The following BRDT variants were observed in gnomAD, a reference collection of about 807,000 sequenced individuals.
BRDT encodes the protein bromodomain testis associated, also known as bromodomain testis-specific protein.
A neutral mutation model predicts 113.9 loss-of-function variants in BRDT; 77 were observed. That is an observed-to-expected ratio of 0.68 (90% confidence interval 0.56 to 0.82). BRDT has a LOEUF of 0.82. Among genes scored for constraint, BRDT ranks in the 40% least tolerant of loss-of-function variants. BRDT has a pLI of 0.00. For synonymous variants in BRDT, 358 were observed against 366.5 expected (o/e 0.98, Z 0.26); for missense variants, 1,027 against 1,105.4 (o/e 0.93, Z 1.01).
intron 15 of BRDT, among the ~76,000 whole-genome samples, chr1:91,994,588 C>T (rs540372921): frequency 6.6e-6 from 1 of 152,004 alleles, no homozygotes; most frequent in Non-Finnish European, 1.5e-5. Flanking sequence ...AAGGGAGGGC[C>T]GGGCGCGGTG....
At chr1:91,998,962 A>C (rs1002843092) in intron 15 of BRDT, among the ~76,000 whole-genome samples, 4 of 152,180 alleles carry the variant, frequency 2.6e-5, no homozygotes, top group Non-Finnish European at 5.9e-5. Flanking sequence ...CTTTGGACTT[A>C]ATTATAATAG....
chr1:91,967,084 A>C (rs898247657), intron 3 of BRDT, among the ~76,000 whole-genome samples: 3 of 152,142 alleles, frequency 2.0e-5, no homozygotes, highest in Non-Finnish European at 4.4e-5. Context: ...ATGTTGGTAG[A>C]GTTGGCTTAG....
chr1:91,961,628 CAGAGAG>C (rs57800881), intron 1 of BRDT, among the ~76,000 whole-genome samples: 1 of 151,312 alleles, frequency 6.6e-6, no homozygotes, highest in Non-Finnish European at 1.5e-5. Flanking sequence ...GACTCCATCT[CAGAGAG>C]AGAGAGAGAC....
intron 2 of BRDT, 150 bp from the exon 3 acceptor site, chr1:91,964,477 G>A (rs1015134500): frequency 2.1e-5 from 10 of 466,468 alleles, no homozygotes; most frequent in African/African-American, 4.0e-5. Flanking sequence ...CTACAGGCGT[G>A]AGCCACTGTG....
At position 92,007,198 on chromosome 1, in the gene BRDT, CT is replaced by C. The variant is rs1186701016; in HGVS notation, c.2775+1908del. ...CTGTTCCTGTCTTTCTTCTCTCTCT[CT>C]TTTTTTTTCTGCCCGTTTTTGTATT... On this transcript the variant is annotated intron_variant, in intron 18 of 18. Coordinates refer to ENST00000399546, the MANE Select transcript of BRDT (RefSeq NM_207189.4). 4.0e-5 allele frequency among the ~76,000 whole-genome samples: 6 copies of C among 151,650 alleles called. No individual in the cohort carries two copies. The East Asian group carries it at 7.7e-4, about 20-fold the overall frequency.
chr1:91,997,876 T>C (rs1193925280), intron 15 of BRDT, among the ~76,000 whole-genome samples: 1 of 152,244 alleles, frequency 6.6e-6, no homozygotes, highest in Non-Finnish European at 1.5e-5. Flanking sequence ...ATTTTCTTTT[T>C]CTGGAGTTAA....
rs150925194 is a variant in BRDT, at chr1:91,968,963, T to A, written c.445+703T>A. Among the ~76,000 whole-genome samples, 202 of 151,322 alleles carry A rather than the reference T, an allele frequency of 1.3e-3. 2 individuals carry two copies. The East Asian group carries it at 0.038, about 28-fold the overall frequency. On this transcript the variant is annotated intron_variant, in intron 4 of 18. Coordinates refer to ENST00000399546, the MANE Select transcript of BRDT (RefSeq NM_207189.4). ...ATTTATTTATTTATTTGAGACGGAG[T>A]CTTCACTCTGTCGCCCAGGCTGGAG... is the stretch of plus-strand genomic sequence containing the variant.
In BRDT at chr1:92,000,390, A is replaced by C. The variant is rs540139687; in HGVS notation, c.2288-1659A>C. On this transcript the variant is annotated intron_variant, in intron 15 of 18. Transcript: ENST00000399546. ...CACTATTTTTTCCCTTTCCTTGTTG[A>C]AGTGAGGAAACATGGCTACATTGAG... Among the ~76,000 whole-genome samples, 2 of 152,324 alleles carry C rather than the reference A, an allele frequency of 1.3e-5. 1 individual carries two copies. The highest frequency in any genetic ancestry group is 4.1e-4 in the South Asian group (2 of 4,826).
In BRDT at chr1:92,005,234, C is replaced by T. The variant is rs140901995; in HGVS notation, c.2710C>T (p.Leu904Phe). The change falls in exon 18 of 19, where the codon CTC (leucine) becomes TTC (phenylalanine). Residue 904 changes from leucine (L) to phenylalanine (F), a missense_variant. Transcript: ENST00000399546. ...ATCAGAAGCTCAAGATAAATCCAAACTCTGGCTTCTCAAAGACCGTGATTT... is the reference window on the plus strand; with the variant it reads ...ATCAGAAGCTCAAGATAAATCCAAATTCTGGCTTCTCAAAGACCGTGATTT... ...QSSEAQDKSKLWLLKDRDLAR... is the reference protein window; with the variant it reads ...QSSEAQDKSKFWLLKDRDLAR... 7 of 1,593,578 alleles carry T rather than the reference C, an allele frequency of 4.4e-6. No homozygotes were observed. The African/African-American group carries it at 9.5e-5, about 22-fold the overall frequency.
At chr1:91,995,229 T>C (rs1248316102) in intron 15 of BRDT, among the ~76,000 whole-genome samples, 1 of 152,126 alleles carries the variant, frequency 6.6e-6, no homozygotes, top group African/African-American at 2.4e-5. Context: ...ATATTCCTTG[T>C]CTATTCTTCT....
chr1:91,964,878 CGTGTGTGT>C (rs59328937), intron 3 of BRDT, 114 bp downstream of exon 3: 34 of 344,232 alleles, frequency 9.9e-5, no homozygotes, highest in Non-Finnish European at 1.4e-4. Flanking sequence ...AGATACTTGA[CGTGTGTGT>C]GTGTGTGTGT....
chr1:91,964,910 A>ATTTTT (rs1302641462), intron 3 of BRDT, 146 bp downstream of exon 3: 4 of 234,844 alleles, frequency 1.7e-5, no homozygotes, highest in Non-Finnish European at 2.9e-5. Context: ...TGTGTATATA[A>ATTTTT]TTTTTTTTTT....
chr1:92,011,635 G>A (rs1485368310), intron 18 of BRDT, among the ~76,000 whole-genome samples: 2 of 152,134 alleles, frequency 1.3e-5, no homozygotes, highest in Admixed American at 6.6e-5. Context: ...CTGCACCCTA[G>A]TTGCGGCCCA....
intron 15 of BRDT, among the ~76,000 whole-genome samples, chr1:92,001,512 A>G (rs1174025754): frequency 6.6e-6 from 1 of 152,120 alleles, no homozygotes; most frequent in East Asian, 1.9e-4. Context: ...CCTGGCCAAC[A>G]TGGTAAAACC....
intron 15 of BRDT, among the ~76,000 whole-genome samples, chr1:91,996,214 A>AT (rs922705264): frequency 3.3e-5 from 5 of 152,124 alleles, no homozygotes; most frequent in African/African-American, 1.2e-4. Context: ...GGAGCTTTGT[A>AT]TAGGAAGCAT....
At chr1:91,967,556 G>A (rs1683199716) in intron 3 of BRDT, among the ~76,000 whole-genome samples, 1 of 152,068 alleles carries the variant, frequency 6.6e-6, no homozygotes, top group Non-Finnish European at 1.5e-5. Context: ...GCACCACCAC[G>A]CCTGGCTAAT....
intron 8 of BRDT, among the ~76,000 whole-genome samples, chr1:91,980,198 G>A (rs1445788827): frequency 6.6e-6 from 1 of 152,126 alleles, no homozygotes; most frequent in African/African-American, 2.4e-5. Flanking sequence ...CTTGAGCTCA[G>A]GAGTTTGAGA....
In BRDT at chr1:92,004,318, A is replaced by C. The variant is rs1687098497; in HGVS notation, c.2389-96A>C. 5.3e-6 allele frequency: 4 copies of C among 759,456 alleles called. No homozygotes were observed. In the South Asian group the frequency reaches 9.2e-5, roughly 17 times the overall value. The allele number at this position is 759,456 out of a possible 1,614,324, so 47.0% of individuals were successfully genotyped here. Reference sequence around the variant, plus strand: ...AGTACATGAAGCCCTTTAGAATCTTAATTAGATCTATTGCTGTATCATCAA... The same window carrying C: ...AGTACATGAAGCCCTTTAGAATCTTCATTAGATCTATTGCTGTATCATCAA... On this transcript the variant is annotated intron_variant, in intron 16 of 18. Coordinates refer to ENST00000399546, the MANE Select transcript of BRDT (RefSeq NM_207189.4).
chr1:91,981,404 TTGTATGTA>T (rs35241748), intron 11 of BRDT, 23 bp downstream of exon 11: 165 of 1,490,780 alleles, frequency 1.1e-4, no homozygotes, highest in Non-Finnish European at 1.3e-4. Flanking sequence ...TTTTGTTTGT[TTGTATGTA>T]TGTATGTATG....
Sources: gnomAD v4.1 joint callset for allele counts (sites outside exome capture counted in the v4.1 genomes callset) on GRCh38, gnomAD v4.1.1 for gene constraint, MANE v1.5 for transcripts, NCBI Gene and HGNC (gene_info 2026-07-23, HGNC 2026-07-21) for gene names.